The following VPS8 variants were observed in gnomAD, a reference collection of about 807,000 sequenced individuals.
VPS8 encodes the protein vacuolar protein sorting-associated protein 8 homolog.
In VPS8, 129 loss-of-function variants were observed where a neutral mutation model predicts 216.4. That is an observed-to-expected ratio of 0.60 (90% CI 0.52 to 0.69). The LOEUF (loss-of-function observed/expected upper bound fraction) is 0.69. Among genes scored for constraint, VPS8 ranks in the 30% least tolerant of loss-of-function variants. The pLI is 0.00. For synonymous variants in VPS8, 571 were observed against 565.4 expected, an observed-to-expected ratio of 1.01 and a Z score of -0.14; for missense variants, 1,531 against 1,683.5, an observed-to-expected ratio of 0.91 and a Z score of 1.59.
intron 25 of VPS8, among the ~76,000 whole-genome samples, chr3:184,911,872 A>C (rs1736597155): frequency 6.6e-6 from 1 of 152,174 alleles, no homozygotes; most frequent in Admixed American, 6.5e-5. Flanking sequence ...AAGGTACTGG[A>C]ACAAACCATG....
intron 36 of VPS8, among the ~76,000 whole-genome samples, chr3:184,947,048 C>T (rs1314709421): frequency 1.3e-5 from 2 of 152,206 alleles, no homozygotes; most frequent in African/African-American, 4.8e-5. Context: ...TACATAGTGA[C>T]AAGACAGGAA....
In VPS8 at chr3:184,853,790, C is replaced by T; in HGVS notation, c.822-67C>T. Reference sequence around the variant, plus strand: ...GAGGTAGGAGGCTATGAAAGTAGTCCAGGTAGAGATAGTAGTGCCTTGGAT... The same window carrying T: ...GAGGTAGGAGGCTATGAAAGTAGTCTAGGTAGAGATAGTAGTGCCTTGGAT... On this transcript the variant is annotated intron_variant, in intron 11 of 47. Transcript: ENST00000625842. The T allele has an allele frequency of 2.0e-6, 3 of 1,514,614 alleles. No individual in the cohort carries two copies. In the South Asian group the frequency reaches 3.7e-5, roughly 18 times the overall value. 93.8% of individuals were successfully genotyped at this position (1,514,614 alleles called of 1,614,324 possible).
At position 184,849,101 on chromosome 3, in the gene VPS8, G is replaced by A; in HGVS notation, c.572G>A (p.Gly191Asp). The change falls in exon 9 of 48, where the codon GGT becomes GAT. Residue 191 changes from glycine to aspartate, a missense_variant. Gly to Asp is a moderately conservative substitution (Grantham distance 94, BLOSUM62 -1). Around this residue, in one of 3 missense-constraint regions of VPS8, gnomAD observed 1,318 missense variants for 1,468.4 expected, o/e 0.90. Coordinates refer to ENST00000625842, the MANE Select transcript of VPS8 (RefSeq NM_001009921.3). ...DQNQALRLCL[G>D]STSVGGQYGA... ...AATCAAGCTTTGCGACTCTGTCTGG[G>A]TAGCACTAGTGTTGGAGGTCAGTAT... 1 of 1,613,364 alleles carries A rather than the reference G, an allele frequency of 6.2e-7. No homozygotes were observed. The highest frequency in any genetic ancestry group is 1.3e-5 in the African/African-American group (1 of 74,974).
intron 36 of VPS8, among the ~76,000 whole-genome samples, chr3:184,942,945 G>T (rs1348654305): frequency 1.3e-5 from 2 of 152,108 alleles, no homozygotes. Flanking sequence ...AAAGAAAAAA[G>T]AGGAAGTTCT....
chr3:184,900,811 G>T (rs1560589994), intron 24 of VPS8, 110 bp from the exon 25 acceptor site: 1 of 904,652 alleles, frequency 1.1e-6, no homozygotes, highest in Non-Finnish European at 1.7e-6. Flanking sequence ...AATCTTAATG[G>T]TAAATGACTA....
intron 22 of VPS8, among the ~76,000 whole-genome samples, chr3:184,891,428 C>T (rs1264972327): frequency 2.0e-5 from 3 of 152,152 alleles, no homozygotes; most frequent in Non-Finnish European, 2.9e-5. Context: ...TTGCAAATTT[C>T]ATCATTAAAA....
At chr3:185,030,356 A>C (rs190149195) in intron 46 of VPS8, among the ~76,000 whole-genome samples, 4 of 152,264 alleles carry the variant, frequency 2.6e-5, no homozygotes, top group Admixed American at 6.5e-5. Flanking sequence ...GTACATGGTT[A>C]CCTCTCTGAG....
chr3:185,023,935 A>G (rs982605101), intron 45 of VPS8, among the ~76,000 whole-genome samples: 1 of 152,238 alleles, frequency 6.6e-6, no homozygotes, highest in South Asian at 2.1e-4. Context: ...CACAATTATC[A>G]AACTCTTCTG....
At chr3:184,987,554 G>A (rs1560999566) in intron 42 of VPS8, among the ~76,000 whole-genome samples, 1 of 151,986 alleles carries the variant, frequency 6.6e-6, no homozygotes, top group Non-Finnish European at 1.5e-5. Flanking sequence ...TTCTTTTGGG[G>A]GCTTGATAGT....
At chr3:184,879,243 A>G (rs563222680) in intron 21 of VPS8, among the ~76,000 whole-genome samples, 2 of 152,320 alleles carry the variant, frequency 1.3e-5, no homozygotes, top group African/African-American at 2.4e-5. Context: ...GTATATCCAC[A>G]TTGCCTTCTT....
At chr3:184,993,297 T>A (rs1434879756) in intron 42 of VPS8, among the ~76,000 whole-genome samples, 1 of 152,162 alleles carries the variant, frequency 6.6e-6, no homozygotes, top group Non-Finnish European at 1.5e-5. Context: ...CAACAGTGTT[T>A]ACCTCTAGTT....
In VPS8 at chr3:184,940,400, A is replaced by G. The variant is rs967307665; in HGVS notation, c.3035+157A>G. On this transcript the variant is annotated intron_variant, in intron 36 of 47. Coordinates refer to ENST00000625842, the MANE Select transcript of VPS8 (RefSeq NM_001009921.3). ...CAACTGTTACACAGATAATGTGAAA[A>G]TAGAAGATCTGAACGATAGATTATA... is the stretch of plus-strand genomic sequence containing the variant. Among the ~76,000 whole-genome samples, 4 of 152,204 alleles carry G rather than the reference A, an allele frequency of 2.6e-5. No individual in the cohort carries two copies. In the East Asian group the frequency reaches 7.7e-4, roughly 29 times the overall value.
chr3:184,909,220 A>AGTAT (rs1736051471), intron 25 of VPS8, among the ~76,000 whole-genome samples: 1 of 152,262 alleles, frequency 6.6e-6, no homozygotes, highest in Non-Finnish European at 1.5e-5. Context: ...ATGGCAATAC[A>AGTAT]TAAAGTTAAA....
chr3:184,834,908 C>A, intron 5 of VPS8, 166 bp downstream of exon 5: 1 of 522,070 alleles, frequency 1.9e-6, no homozygotes, highest in Non-Finnish European at 3.3e-6. Context: ...TGAGACATGG[C>A]TACACGTCTT....
intron 11 of VPS8, 36 bp downstream of exon 11, chr3:184,852,603 A>G: frequency 6.3e-7 from 1 of 1,581,154 alleles, no homozygotes; most frequent in African/African-American, 1.4e-5. Flanking sequence ...ACAAATGAAA[A>G]GACTAGCTCT....
intron 45 of VPS8, among the ~76,000 whole-genome samples, chr3:185,020,310 G>A (rs1490955881): frequency 6.6e-6 from 1 of 152,148 alleles, no homozygotes; most frequent in Non-Finnish European, 1.5e-5. Context: ...CATTCATAAT[G>A]TGCAACATAG....
At chr3:184,927,706 A>G (rs1739915897) in intron 31 of VPS8, among the ~76,000 whole-genome samples, 1 of 152,126 alleles carries the variant, frequency 6.6e-6, no homozygotes, top group African/African-American at 2.4e-5. Context: ...AAACTGAACT[A>G]CCATACCAAT....
At chr3:184,893,157 A>C (rs1189588061) in intron 22 of VPS8, 13 of 725,332 alleles carry the variant, frequency 1.8e-5, no homozygotes, top group Non-Finnish European at 2.1e-5. Flanking sequence ...AGAATGTTGC[A>C]AATGCTGTTA....
chr3:184,819,822 G>A (rs1428880563), intron 1 of VPS8, among the ~76,000 whole-genome samples: 1 of 152,128 alleles, frequency 6.6e-6, no homozygotes. Flanking sequence ...AAGCCTTACT[G>A]ATAACATTAA....
Sources: allele counts gnomAD v4.1 joint callset (sites outside exome capture counted in the v4.1 genomes callset), GRCh38; gene constraint gnomAD v4.1.1; regional missense constraint gnomAD v4.1.1; transcripts MANE v1.5; gene names NCBI Gene and HGNC (gene_info 2026-07-23, HGNC 2026-07-21).